Variants in DCC observed in about 807,000 individuals in gnomAD.
DCC encodes the protein netrin receptor DCC.
Under a neutral mutation model 172.5 loss-of-function variants are expected in DCC, and 58 were observed. The ratio of observed to expected loss-of-function variants is 0.34; its 90% CI spans 0.27 to 0.42. DCC has a LOEUF of 0.42. Ranked by LOEUF, DCC falls within the 10% of genes least tolerant of loss-of-function variation. The pLI is 1.00. For synonymous variants in DCC, 709 were observed against 644.5 expected (o/e 1.10, Z -1.52); for missense variants, 1,740 against 1,791.0 (o/e 0.97, Z 0.51).
intron 17 of DCC, among the ~76,000 whole-genome samples, chr18:53,394,495 CTA>C (rs1200907543): frequency 2.0e-5 from 3 of 152,074 alleles, no homozygotes; most frequent in African/African-American, 7.2e-5. Flanking sequence ...GAGACATTTT[CTA>C]TATGTTTTTC....
At chr18:53,495,821 A>G (rs1166458286) in intron 26 of DCC, among the ~76,000 whole-genome samples, 1 of 150,830 alleles carries the variant, frequency 6.6e-6, no homozygotes, top group African/African-American at 2.4e-5. Context: ...ATTTCTTTTC[A>G]CTCTTTTTGC....
chr18:52,952,395 A>C (rs950044897), intron 5 of DCC, among the ~76,000 whole-genome samples: 5 of 152,186 alleles, frequency 3.3e-5, no homozygotes, highest in African/African-American at 1.2e-4. Flanking sequence ...AACAATCTAC[A>C]CTTGGAATCT....
intron 1 of DCC, among the ~76,000 whole-genome samples, chr18:52,594,059 A>T (rs1206361122): frequency 6.6e-6 from 1 of 152,192 alleles, no homozygotes; most frequent in Non-Finnish European, 1.5e-5. Context: ...CTGGAAGGAG[A>T]ACCCAAAGGG....
intron 1 of DCC, among the ~76,000 whole-genome samples, chr18:52,626,816 G>A (rs899850921): frequency 6.6e-6 from 1 of 152,194 alleles, no homozygotes; most frequent in African/African-American, 2.4e-5. Flanking sequence ...ATAATCTAGA[G>A]AGGATTTAAA....
chr18:53,162,170 G>A (rs1276143179), intron 8 of DCC, among the ~76,000 whole-genome samples: 3 of 151,794 alleles, frequency 2.0e-5, no homozygotes, highest in Non-Finnish European at 2.9e-5. Flanking sequence ...GTGGTGGCAC[G>A]CACCTGTAAT....
At chr18:52,486,444 TAGAA>T (rs2030230893) in intron 1 of DCC, among the ~76,000 whole-genome samples, 1 of 152,138 alleles carries the variant, frequency 6.6e-6, no homozygotes. Context: ...TTTCACAAAA[TAGAA>T]AGCAGCTTAT....
At position 52,712,338 on chromosome 18, in the gene DCC, T is replaced by G. The variant is rs192489696; in HGVS notation, c.92-39716T>G. 2.4e-4 allele frequency among the ~76,000 whole-genome samples: 37 copies of G among 152,354 alleles called. No individual in the cohort carries two copies. The East Asian group carries it at 6.4e-3, about 26-fold the overall frequency. On this transcript the variant is annotated intron_variant, in intron 1 of 28. Coordinates refer to ENST00000442544, the MANE Select transcript of DCC (RefSeq NM_005215.4). ...ACTATATGTGTGTAATATAATATTTTTATATTGTAATATATTATTTGACTT... is the reference window on the plus strand; with the variant it reads ...ACTATATGTGTGTAATATAATATTTGTATATTGTAATATATTATTTGACTT...
At chr18:52,653,496 A>G (rs1315437054) in intron 1 of DCC, among the ~76,000 whole-genome samples, 1 of 152,228 alleles carries the variant, frequency 6.6e-6, no homozygotes, top group East Asian at 1.9e-4. Context: ...TGCTTTAAAT[A>G]TAATTACATC....
chr18:53,267,175 G>GAGAGAC (rs1027819922), intron 12 of DCC, among the ~76,000 whole-genome samples: 16 of 151,656 alleles, frequency 1.1e-4, no homozygotes, highest in Non-Finnish European at 1.6e-4. Flanking sequence ...GACAGAGACA[G>GAGAGAC]AGAGACAGAG....
chr18:52,830,234 T>C (rs2038588686), intron 2 of DCC, among the ~76,000 whole-genome samples: 1 of 152,204 alleles, frequency 6.6e-6, no homozygotes. Context: ...CCGGTTTGAA[T>C]GTGGTCCAAC....
intron 1 of DCC, among the ~76,000 whole-genome samples, chr18:52,574,924 G>T (rs993927): frequency 0.26 from 39,785 of 152,034 alleles, 6,262 homozygotes; most frequent in Middle Eastern, 0.37. Context: ...GAAATGCAAA[G>T]TCATAGACCT....
At chr18:52,724,840 T>C (rs186200270) in intron 1 of DCC, among the ~76,000 whole-genome samples, 3 of 152,256 alleles carry the variant, frequency 2.0e-5, no homozygotes, top group Middle Eastern at 3.4e-3. Flanking sequence ...ACACAATTCC[T>C]TCCCCTAGAC....
intron 1 of DCC, among the ~76,000 whole-genome samples, chr18:52,734,830 C>A (rs1405810568): frequency 1.3e-5 from 2 of 152,070 alleles, no homozygotes; most frequent in African/African-American, 4.8e-5. Flanking sequence ...CCCAAACAGG[C>A]AAAGGGATTT....
chr18:52,759,082 C>T (rs999196037), intron 2 of DCC: 1 of 152,046 alleles, frequency 6.6e-6, no homozygotes, highest in Non-Finnish European at 1.5e-5. Flanking sequence ...TAAATGTGGT[C>T]TTATAAGTAA....
intron 5 of DCC, among the ~76,000 whole-genome samples, chr18:53,015,370 T>G (rs2041793852): frequency 6.6e-6 from 1 of 152,172 alleles, no homozygotes; most frequent in African/African-American, 2.4e-5. Flanking sequence ...TGACTCTGAT[T>G]AATCATAGTC....
chr18:52,922,831 G>A (rs1289266702), intron 3 of DCC, among the ~76,000 whole-genome samples: 1 of 152,120 alleles, frequency 6.6e-6, no homozygotes, highest in Non-Finnish European at 1.5e-5. Flanking sequence ...CTGTCCGCAA[G>A]CCTACTTGAG....
Position 52,552,322 on chromosome 18 carries a change from C to T in DCC, c.92-199732C>T, listed in dbSNP as rs573546253. On this transcript the variant is annotated intron_variant, in intron 1 of 28. Coordinates refer to ENST00000442544, the MANE Select transcript of DCC (RefSeq NM_005215.4). Reference sequence around the variant, plus strand: ...GAAAAGGAATTGTTATCACAGGAAACCTCTTATGTGATTTCCGGTACCATT... The same window carrying T: ...GAAAAGGAATTGTTATCACAGGAAATCTCTTATGTGATTTCCGGTACCATT... Among the ~76,000 whole-genome samples the T allele has an allele frequency of 1.5e-4, 23 of 152,092 alleles. 2 individuals are homozygous for T. The South Asian group carries it at 4.6e-3, about 30-fold the overall frequency.
At chr18:53,462,376 A>G (rs528070765) in intron 24 of DCC, among the ~76,000 whole-genome samples, 9 of 152,052 alleles carry the variant, frequency 5.9e-5, no homozygotes, top group Non-Finnish European at 1.2e-4. Context: ...TTCTTATAGG[A>G]GCATGAACCC....
intron 25 of DCC, among the ~76,000 whole-genome samples, chr18:53,472,198 T>C (rs2045705412): frequency 2.0e-5 from 3 of 152,202 alleles, no homozygotes; most frequent in Admixed American, 1.3e-4. Context: ...ACTATTGTTA[T>C]GCGTCTCATT....
Sources: gnomAD v4.1 joint callset for allele counts (sites outside exome capture counted in the v4.1 genomes callset) on GRCh38, gnomAD v4.1.1 for gene constraint, MANE v1.5 for transcripts, NCBI Gene and HGNC (gene_info 2026-07-23, HGNC 2026-07-21) for gene names.